Variants in PEBP1 observed in about 807,000 individuals in gnomAD.
PEBP1 encodes the protein phosphatidylethanolamine binding protein 1.
PEBP1 carries 17 observed loss-of-function variants against 22.7 expected under a neutral mutation model. The ratio of observed to expected loss-of-function variants is 0.75; its 90% confidence interval spans 0.51 to 1.12. PEBP1 has a LOEUF of 1.12. Ranked by LOEUF, PEBP1 falls within the 50% of genes most tolerant of loss-of-function variation. The pLI is 0.00. For synonymous variants in PEBP1, 106 were observed against 104.3 expected (o/e 1.02, Z -0.10); for missense variants, 205 against 243.5 (o/e 0.84, Z 1.05).
intron 3 of PEBP1, among the ~76,000 whole-genome samples, chr12:118,141,653 G>A (rs931032389): frequency 1.3e-5 from 2 of 152,178 alleles, no homozygotes; most frequent in African/African-American, 4.8e-5. Flanking sequence ...AGGATGGCTT[G>A]AACCCGGGAG....
chr12:118,136,467 G>GC lies in PEBP1; in HGVS notation c.135+130dup, dbSNP rs569949596. ...GGAGGTTCAGCCTGCGTGTGTCGAGGCCCCCCCAGGCCAGAGGTCCCGGGG... is the reference window on the plus strand; with the variant it reads ...GGAGGTTCAGCCTGCGTGTGTCGAGGCCCCCCCCAGGCCAGAGGTCCCGGGG... On this transcript the variant is annotated intron_variant, in intron 1 of 3. Coordinates refer to ENST00000261313, the MANE Select transcript of PEBP1 (RefSeq NM_002567.4). The surrounding 1 kb of genome is among the most constrained non-coding windows in gnomAD (Gnocchi z 5.6). The GC allele has an allele frequency of 2.3e-3, 2,766 of 1,180,368 alleles. 100 individuals carry two copies. In the East Asian group the frequency reaches 0.066, roughly 28 times the overall value. 73.1% of individuals were successfully genotyped at this position (1,180,368 alleles called of 1,614,324 possible).
intron 2 of PEBP1, among the ~76,000 whole-genome samples, chr12:118,138,732 A>G (rs905953267): frequency 6.6e-6 from 1 of 152,110 alleles, no homozygotes; most frequent in Non-Finnish European, 1.5e-5. Context: ...TGAAAAATTG[A>G]AAGAAGAATA....
rs1256609968 is a variant in PEBP1 at position 118,136,401 on chromosome 12, T to A, written c.135+57T>A. 3.3e-6 allele frequency: 5 copies of A among 1,500,430 alleles called. No individual in the cohort carries two copies. In the African/African-American group the frequency reaches 7.0e-5, roughly 21 times the overall value. The allele number at this position is 1,500,430 out of a possible 1,614,324, so 92.9% of individuals were successfully genotyped here. On this transcript the variant is annotated intron_variant, in intron 1 of 3. Transcript: ENST00000261313. This position sits in a 1 kb window ranked among gnomAD's most constrained non-coding sequence, Gnocchi z 5.6. The stretch of plus-strand genomic sequence containing the variant: ...CACGGCGCGGAGGCCTGTGCCGGCC[T>A]CCTGGGTGGGACCCAGCGGAGACAG...
intron 3 of PEBP1, 110 bp downstream of exon 3, chr12:118,139,661 C>A: frequency 1.6e-6 from 1 of 638,576 alleles, no homozygotes; most frequent in Non-Finnish European, 2.8e-6. Flanking sequence ...GAAATAGCAT[C>A]TCAGCTTACC....
In PEBP1 at chr12:118,144,645, C is replaced by A. The variant is rs1474773935; in HGVS notation, c.406C>A (p.Pro136Thr). Residue 136 changes from proline (P) to threonine (T), a missense_variant, in exon 4 of 4, where the codon CCC becomes ACC. Coordinates refer to ENST00000261313, the MANE Select transcript of PEBP1 (RefSeq NM_002567.4). Reference sequence around the variant, plus strand: ...GGACAGGCCGCTAAAGTGTGACGAGCCCATCCTCAGCAACCGATCTGGAGA... The same window carrying A: ...GGACAGGCCGCTAAAGTGTGACGAGACCATCCTCAGCAACCGATCTGGAGA... Reference protein sequence around the residue: ...EQDRPLKCDEPILSNRSGDHR... With the variant: ...EQDRPLKCDETILSNRSGDHR... 2 of 1,613,974 alleles carry A rather than the reference C, an allele frequency of 1.2e-6. No homozygotes were observed. The highest frequency in any genetic ancestry group is 1.7e-6 in the Non-Finnish European group (2 of 1,180,020).
rs1191545617 is a variant in PEBP1, at chr12:118,136,286, A to T, written c.77A>T (p.His26Leu). ...EVDEQPQHPL[H>L]VTYAGAAVDE... Reference sequence around the variant, plus strand: ...GACGAGCAGCCGCAGCACCCGCTGCATGTCACCTACGCCGGGGCGGCGGTG... The same window carrying T: ...GACGAGCAGCCGCAGCACCCGCTGCTTGTCACCTACGCCGGGGCGGCGGTG... The change falls in exon 1 of 4, where the codon CAT (histidine) becomes CTT (leucine). Residue 26 changes from histidine to leucine, a missense_variant. His to Leu is a moderately conservative substitution (Grantham distance 99). Transcript: ENST00000261313. This position sits in a 1 kb window ranked among gnomAD's most constrained non-coding sequence, Gnocchi z 5.6. The T allele has an allele frequency of 6.5e-6, 10 of 1,547,022 alleles. No individual in the cohort carries two copies. In the East Asian group the frequency reaches 2.4e-4, roughly 38 times the overall value.
At chr12:118,139,589 G>C in intron 3 of PEBP1, 38 bp downstream of exon 3, 1 of 1,276,350 alleles carries the variant, frequency 7.8e-7, no homozygotes, top group Non-Finnish European at 1.1e-6. Context: ...GTTGGGGAGG[G>C]AGCTCGGGGG....
intron 3 of PEBP1, among the ~76,000 whole-genome samples, chr12:118,144,296 C>T (rs2034137752): frequency 1.3e-5 from 2 of 152,028 alleles, no homozygotes; most frequent in Admixed American, 1.3e-4. Context: ...GAGGCCAGAT[C>T]CCACAGGCCA....
chr12:118,137,982 C>A, intron 1 of PEBP1, 57 bp from the exon 2 acceptor site: 1 of 1,198,070 alleles, frequency 8.3e-7, no homozygotes, highest in Admixed American at 1.9e-5. Flanking sequence ...CCACCACACC[C>A]AGCCAGTTTC....
At chr12:118,142,836 T>G (rs1177516682) in intron 3 of PEBP1, among the ~76,000 whole-genome samples, 1 of 38,422 alleles carries the variant, frequency 2.6e-5, no homozygotes, top group African/African-American at 6.5e-5. Context: ...CTTTTTTTTT[T>G]TTTTTTTTTT....
intron 3 of PEBP1, among the ~76,000 whole-genome samples, chr12:118,143,767 T>C (rs2034132470): frequency 6.6e-6 from 1 of 151,796 alleles, no homozygotes; most frequent in Non-Finnish European, 1.5e-5. Context: ...TAACTGGGCG[T>C]GGTGGCACGT....
chr12:118,142,742 G>C (rs2034124593), intron 3 of PEBP1, among the ~76,000 whole-genome samples: 4 of 150,734 alleles, frequency 2.7e-5, no homozygotes, highest in Non-Finnish European at 1.5e-5. Flanking sequence ...CTCTCAAAGT[G>C]CTGGGATTAC....
At chr12:118,141,325 C>G (rs1254820573) in intron 3 of PEBP1, among the ~76,000 whole-genome samples, 1 of 152,154 alleles carries the variant, frequency 6.6e-6, no homozygotes, top group Non-Finnish European at 1.5e-5. Flanking sequence ...CCATGTTGGC[C>G]AGGCTGGTCT....
chr12:118,141,706 CCTGGGCGATAG>C (rs1430662166), intron 3 of PEBP1, among the ~76,000 whole-genome samples: 1 of 152,122 alleles, frequency 6.6e-6, no homozygotes, highest in East Asian at 1.9e-4. Context: ...TGCGCTCTAG[CCTGGGCGATAG>C]AGCAAGCCTC....
In PEBP1 at chr12:118,136,429, C is replaced by A; in HGVS notation, c.135+85C>A. On this transcript the variant is annotated intron_variant, in intron 1 of 3. Coordinates refer to ENST00000261313, the MANE Select transcript of PEBP1 (RefSeq NM_002567.4). This position sits in a 1 kb window ranked among gnomAD's most constrained non-coding sequence, Gnocchi z 5.6. ...TGGGTGGGACCCAGCGGAGACAGGG[C>A]CAGGGGCGGTGGGGAGGTTCAGCCT... is the stretch of plus-strand genomic sequence containing the variant. 7.0e-7 allele frequency: 1 copy of A among 1,427,934 alleles called. No individual in the cohort carries two copies. Among genetic ancestry groups the A allele is most frequent in the South Asian group, 1.4e-5 (1 of 71,148 alleles). 88.5% of individuals were successfully genotyped at this position (1,427,934 alleles called of 1,614,324 possible).
At chr12:118,137,477 C>T (rs963074393) in intron 1 of PEBP1, among the ~76,000 whole-genome samples, 2 of 152,078 alleles carry the variant, frequency 1.3e-5, no homozygotes, top group East Asian at 1.9e-4. Context: ...ATCGATTGAG[C>T]GCTGGAGGTT....
At chr12:118,142,091 A>T (rs1266669114) in intron 3 of PEBP1, among the ~76,000 whole-genome samples, 1 of 152,112 alleles carries the variant, frequency 6.6e-6, no homozygotes, top group African/African-American at 2.4e-5. Flanking sequence ...AGCCAGTCAC[A>T]CAAAGACAAA....
In PEBP1 at chr12:118,136,134, G is replaced by A; in HGVS notation, c.-76G>A. On this transcript the variant is annotated 5_prime_UTR_variant, in exon 1 of 4. Transcript: ENST00000261313. The surrounding 1 kb of genome is among the most constrained non-coding windows in gnomAD (Gnocchi z 5.6). ...GCGTCTTCCCGAGCCAGTGTGCTGA[G>A]CTCTCCGCGTCGCCTCTGTCGCCCG... 1 of 1,514,870 alleles carries A rather than the reference G, an allele frequency of 6.6e-7. No homozygotes were observed. The highest frequency in any genetic ancestry group is 8.8e-7 in the Non-Finnish European group (1 of 1,130,852). 93.8% of individuals were successfully genotyped at this position (1,514,870 alleles called of 1,614,324 possible). A position where few individuals can be genotyped will look rare whatever the true frequency, so the allele number is the denominator to read the frequency against.
intron 3 of PEBP1, among the ~76,000 whole-genome samples, chr12:118,139,852 G>C (rs1057059119): frequency 6.6e-6 from 1 of 152,126 alleles, no homozygotes; most frequent in Non-Finnish European, 1.5e-5. Context: ...ATGGCCTTTT[G>C]GGGCTGCAGT....
Sources: allele counts gnomAD v4.1 joint callset (sites outside exome capture counted in the v4.1 genomes callset), GRCh38; gene constraint gnomAD v4.1.1; non-coding constraint Gnocchi (gnomAD v3.1); transcripts MANE v1.5; gene names NCBI Gene and HGNC (gene_info 2026-07-23, HGNC 2026-07-21).